The following TDRD5 variants were observed in gnomAD, a reference collection of about 807,000 sequenced individuals.
TDRD5 encodes the protein tudor domain-containing protein 5.
Under a neutral mutation model 120.6 loss-of-function variants are expected in TDRD5, and 41 were observed. The observed-to-expected ratio is 0.34, with a 90% CI of 0.26 to 0.44. The LOEUF is 0.44. Among genes scored for constraint, TDRD5 ranks in the 20% least tolerant of loss-of-function variants. The probability of loss-of-function intolerance (pLI) is 1.00; values close to 1 mark genes in which losing one functional copy is unlikely to be tolerated. For synonymous variants in TDRD5, 430 were observed against 433.7 expected (o/e 0.99, Z 0.11); for missense variants, 1,006 against 1,221.2 (o/e 0.82, Z 2.63).
At chr1:179,683,377 G>A (rs563152618) in intron 17 of TDRD5, among the ~76,000 whole-genome samples, 3 of 152,240 alleles carry the variant, frequency 2.0e-5, no homozygotes, top group East Asian at 3.9e-4. Context: ...CTTTGGTCAC[G>A]TGTTCCTGCT....
At position 179,651,038 on chromosome 1, in the gene TDRD5, A is replaced by C; in HGVS notation, c.1972A>C (p.Ile658Leu). The C allele has an allele frequency of 6.2e-7, 1 of 1,614,118 alleles. No individual in the cohort carries two copies. The change falls in exon 12 of 18, where the codon ATT (isoleucine) becomes CTT (leucine). Residue 658 changes from isoleucine (I) to leucine (L), a missense_variant. Ile to Leu is a conservative substitution (Grantham distance 5). This residue lies in a region of TDRD5 where 403 missense variants were observed against 448.1 expected (regional missense o/e 0.90). Coordinates refer to ENST00000444136, the MANE Select transcript of TDRD5 (RefSeq NM_001199085.3). The stretch of plus-strand genomic sequence containing the variant: ...TGTCTTGAGAACAGAGGGCCATGCT[A>C]TTGTATGCCGAGAAAATATCTCTTC... Reference protein sequence around the residue: ...HHVLRTEGHAIVCRENISSKG... With the variant: ...HHVLRTEGHALVCRENISSKG...
At chr1:179,646,716 G>A (rs1678387219) in intron 11 of TDRD5, among the ~76,000 whole-genome samples, 1 of 152,138 alleles carries the variant, frequency 6.6e-6, no homozygotes, top group South Asian at 2.1e-4. Context: ...CACTGTCTCA[G>A]CCCAAAATCT....
At chr1:179,654,432 C>T (rs1678881358) in intron 14 of TDRD5, 70 bp downstream of exon 14, 7 of 1,389,872 alleles carry the variant, frequency 5.0e-6, no homozygotes, top group Non-Finnish European at 6.7e-6. Flanking sequence ...GTGAAGAGGA[C>T]TGGAATAAAC....
intron 5 of TDRD5, 150 bp downstream of exon 5, chr1:179,618,832 A>T: frequency 1.9e-6 from 1 of 537,756 alleles, no homozygotes. Context: ...AAGAAAAAGA[A>T]ACAAAATACG....
At chr1:179,680,898 G>GA (rs539863297) in intron 17 of TDRD5, among the ~76,000 whole-genome samples, 20 of 152,086 alleles carry the variant, frequency 1.3e-4, no homozygotes, top group Middle Eastern at 3.4e-3. Flanking sequence ...TAGGAAAAGA[G>GA]AAAAAAGGGC....
At chr1:179,635,974 T>C (rs1677746377) in intron 9 of TDRD5, 87 bp downstream of exon 9, 1 of 1,241,164 alleles carries the variant, frequency 8.1e-7, no homozygotes, top group Admixed American at 2.8e-5. Context: ...CTCTTAAAAA[T>C]TAAAGACCCA....
chr1:179,593,105 C>T (rs1174586581), intron 2 of TDRD5, among the ~76,000 whole-genome samples: 1 of 151,738 alleles, frequency 6.6e-6, no homozygotes. Context: ...CACCTTAAGT[C>T]GAGAGAAACA....
At chr1:179,623,756 C>T (rs1263228562) in intron 6 of TDRD5, among the ~76,000 whole-genome samples, 2 of 150,808 alleles carry the variant, frequency 1.3e-5, no homozygotes, top group African/African-American at 2.4e-5. Context: ...GCCTCAGCCT[C>T]CTGAGTAGCT....
chr1:179,595,893 GAAAAGTTGACCTTTTA>G, intron 4 of TDRD5, 75 bp downstream of exon 4: 3 of 1,396,972 alleles, frequency 2.1e-6, no homozygotes, highest in Non-Finnish European at 2.8e-6. Flanking sequence ...TGATCTGATG[GAAAAGTTGACCTTTTA>G]AAAACTGAAG....
At chr1:179,598,208 A>G (rs999571547) in intron 4 of TDRD5, among the ~76,000 whole-genome samples, 6 of 152,220 alleles carry the variant, frequency 3.9e-5, no homozygotes, top group Non-Finnish European at 7.4e-5. Flanking sequence ...TACAGAAAAA[A>G]TACAGTATTA....
intron 4 of TDRD5, among the ~76,000 whole-genome samples, chr1:179,609,750 T>C (rs12566413): frequency 0.1 from 15,675 of 152,132 alleles, 890 homozygotes; most frequent in African/African-American, 0.14. Flanking sequence ...CCTGTGTGAG[T>C]TTGGAGTATT....
intron 4 of TDRD5, among the ~76,000 whole-genome samples, chr1:179,612,555 A>G (rs1676337518): frequency 6.6e-6 from 1 of 152,208 alleles, no homozygotes. Context: ...GCTTTCTATT[A>G]ATAGGTATTT....
At chr1:179,686,161 A>G (rs1680701017) in intron 17 of TDRD5, among the ~76,000 whole-genome samples, 1 of 152,186 alleles carries the variant, frequency 6.6e-6, no homozygotes, top group African/African-American at 2.4e-5. Flanking sequence ...CCCATTCAGT[A>G]TGATATTGGC....
At chr1:179,655,532 C>T (rs976044887) in intron 14 of TDRD5, among the ~76,000 whole-genome samples, 21 of 151,970 alleles carry the variant, frequency 1.4e-4, no homozygotes, top group Non-Finnish European at 2.4e-4. Context: ...TTTGTGTAAC[C>T]AACACTGCAA....
intron 16 of TDRD5, among the ~76,000 whole-genome samples, chr1:179,667,795 G>T (rs534293783): frequency 6.6e-6 from 1 of 152,164 alleles, no homozygotes; most frequent in African/African-American, 2.4e-5. Context: ...ACCAAGAAAG[G>T]TTATACACAC....
At chr1:179,682,903 C>T (rs766572727) in intron 17 of TDRD5, among the ~76,000 whole-genome samples, 12 of 152,114 alleles carry the variant, frequency 7.9e-5, no homozygotes, top group Non-Finnish European at 1.2e-4. Flanking sequence ...GATTATTCTG[C>T]CTGCTGCTTT....
intron 16 of TDRD5, 109 bp downstream of exon 16, chr1:179,663,600 A>C (rs530764987): frequency 1.6e-4 from 229 of 1,393,642 alleles, no homozygotes; most frequent in Non-Finnish European, 4.7e-6. Context: ...CTGTCTCTTA[A>C]CAGCTTGCTG....
intron 11 of TDRD5, among the ~76,000 whole-genome samples, chr1:179,646,548 C>T (rs1678373668): frequency 6.8e-6 from 1 of 146,500 alleles, no homozygotes. Flanking sequence ...TGGCACAAGA[C>T]AGGGATGCCC....
chr1:179,686,546 G>A (rs535643910), intron 17 of TDRD5, among the ~76,000 whole-genome samples: 1 of 152,304 alleles, frequency 6.6e-6, no homozygotes, highest in East Asian at 1.9e-4. Context: ...TCAGGATGAT[G>A]CTGGCTTCAT....
Sources: allele counts gnomAD v4.1 joint callset (sites outside exome capture counted in the v4.1 genomes callset), GRCh38; gene constraint gnomAD v4.1.1; regional missense constraint gnomAD v4.1.1; transcripts MANE v1.5; gene names NCBI Gene and HGNC (gene_info 2026-07-23, HGNC 2026-07-21).